Variants in ZBTB7C observed in about 807,000 individuals in gnomAD.
The protein encoded by ZBTB7C is zinc finger and BTB domain-containing protein 7C.
Under a neutral mutation model 25.7 loss-of-function variants are expected in ZBTB7C, and 8 were observed. The ratio of observed to expected loss-of-function variants is 0.31; its 90% confidence interval spans 0.18 to 0.56. The LOEUF (loss-of-function observed/expected upper bound fraction) is 0.56, where lower values mean the gene tolerates loss of function less well. ZBTB7C is among the 20% of genes least tolerant of loss of function. The pLI is 0.91. For missense variants in ZBTB7C, 824 were observed against 855.2 expected (o/e 0.96, Z 0.46); for synonymous variants, 394 against 369.0 (o/e 1.07, Z -0.78).
At chr18:48,162,388 G>C (rs1357760544) in intron 3 of ZBTB7C, 1 of 456,686 alleles carries the variant, frequency 2.2e-6, no homozygotes, top group East Asian at 6.9e-5. Flanking sequence ...CTATGCCTCA[G>C]TTGTTGCATC....
rs2045151757 is a variant in ZBTB7C, at chr18:48,289,331, A to G, written c.-79+48843T>C. On this transcript the variant is annotated intron_variant, in intron 2 of 4. Transcript: ENST00000590800. ...AAGACATTAATCTCAGAGTTGTAAC[A>G]CAAAAGAATCAGACACAATCTAAAT... Among the ~76,000 whole-genome samples, 3 of 152,186 alleles carry G rather than the reference A, an allele frequency of 2.0e-5. 1 individual carries two copies. The South Asian group carries it at 6.2e-4, about 32-fold the overall frequency.
intron 4 of ZBTB7C, among the ~76,000 whole-genome samples, chr18:48,032,057 C>A (rs901794902): frequency 1.3e-5 from 2 of 152,154 alleles, no homozygotes; most frequent in African/African-American, 4.8e-5. Flanking sequence ...CTAAGCAGGG[C>A]TTTAAATGCA....
At chr18:48,357,427 G>A (rs1383802004) in intron 1 of ZBTB7C, among the ~76,000 whole-genome samples, 2 of 152,200 alleles carry the variant, frequency 1.3e-5, no homozygotes, top group Non-Finnish European at 2.9e-5. Context: ...GCCCTTCCCT[G>A]ACACATAGGA....
intron 3 of ZBTB7C, among the ~76,000 whole-genome samples, chr18:48,088,786 C>T (rs896977829): frequency 1.3e-4 from 19 of 151,990 alleles, no homozygotes; most frequent in African/African-American, 3.1e-4. Flanking sequence ...GCAGAGATTG[C>T]GCTACTGCAC....
intron 3 of ZBTB7C, among the ~76,000 whole-genome samples, chr18:48,062,875 A>G (rs1243684200): frequency 6.6e-6 from 1 of 152,218 alleles, no homozygotes; most frequent in African/African-American, 2.4e-5. Flanking sequence ...TTGAGCTCTT[A>G]GGCATGGCCA....
At chr18:48,077,949 G>GC (rs1048946329) in intron 3 of ZBTB7C, among the ~76,000 whole-genome samples, 8 of 135,132 alleles carry the variant, frequency 5.9e-5, no homozygotes, top group Non-Finnish European at 9.3e-5. Flanking sequence ...AATTAGAGGG[G>GC]CCCAGGGCAC....
chr18:48,043,526 G>A (rs1410493454), intron 3 of ZBTB7C, among the ~76,000 whole-genome samples: 2 of 152,310 alleles, frequency 1.3e-5, no homozygotes, highest in East Asian at 3.9e-4. Context: ...TAACATTCTT[G>A]AGATGATAAA....
intron 4 of ZBTB7C, among the ~76,000 whole-genome samples, chr18:48,038,523 G>C (rs1015996362): frequency 6.6e-6 from 1 of 151,250 alleles, no homozygotes; most frequent in African/African-American, 2.4e-5. Flanking sequence ...AGAAGAACAG[G>C]TCTCATGACT....
At chr18:48,058,956 A>G (rs1003074307) in intron 3 of ZBTB7C, among the ~76,000 whole-genome samples, 2 of 152,100 alleles carry the variant, frequency 1.3e-5, no homozygotes, top group Non-Finnish European at 2.9e-5. Context: ...TCCTGTCCCC[A>G]CCTCCAGTCC....
intron 2 of ZBTB7C, among the ~76,000 whole-genome samples, chr18:48,260,422 G>A (rs2044138764): frequency 6.6e-6 from 1 of 152,218 alleles, no homozygotes; most frequent in Admixed American, 6.5e-5. Context: ...TTATTTTGAT[G>A]TGGTGATGAT....
chr18:48,260,956 G>A (rs924865469), intron 2 of ZBTB7C, among the ~76,000 whole-genome samples: 2 of 152,156 alleles, frequency 1.3e-5, no homozygotes, highest in East Asian at 1.9e-4. Context: ...AGGCTTTAAC[G>A]GGCAAATTTG....
chr18:48,138,577 C>A lies in ZBTB7C; in HGVS notation c.-17+47357G>T, dbSNP rs565049528. 2.0e-5 allele frequency among the ~76,000 whole-genome samples: 3 copies of A among 152,234 alleles called. No individual in the cohort carries two copies. The East Asian group carries it at 5.8e-4, about 30-fold the overall frequency. On this transcript the variant is annotated intron_variant, in intron 3 of 4. Transcript: ENST00000590800. ...ACTGCTGCGTGAGGGGAGAGAGAGG[C>A]TGGGCAGCCAGGATGTGGTGGGGAG...
At chr18:48,136,272 C>A (rs374391993) in intron 3 of ZBTB7C, among the ~76,000 whole-genome samples, 3 of 152,322 alleles carry the variant, frequency 2.0e-5, no homozygotes, top group African/African-American at 7.2e-5. Context: ...GGGCCGTCTC[C>A]GGAGCTGAGA....
chr18:48,221,982 T>C (rs1436664881), intron 2 of ZBTB7C, among the ~76,000 whole-genome samples: 1 of 151,426 alleles, frequency 6.6e-6, no homozygotes, highest in Non-Finnish European at 1.5e-5. Context: ...ACTATCCCAG[T>C]CTCCTCTATA....
chr18:48,368,222 T>A (rs2047296396), intron 1 of ZBTB7C, among the ~76,000 whole-genome samples: 1 of 111,514 alleles, frequency 9.0e-6, no homozygotes, highest in Non-Finnish European at 1.9e-5. Context: ...TTGCAACCAA[T>A]GAAAAGGAAG....
intron 3 of ZBTB7C, among the ~76,000 whole-genome samples, chr18:48,152,453 T>G (rs2040708909): frequency 6.6e-6 from 1 of 152,180 alleles, no homozygotes; most frequent in African/African-American, 2.4e-5. Flanking sequence ...ATTTCTCAGA[T>G]AGATGATTGA....
intron 2 of ZBTB7C, among the ~76,000 whole-genome samples, chr18:48,262,104 A>C (rs1381774474): frequency 6.6e-6 from 1 of 152,194 alleles, no homozygotes; most frequent in Non-Finnish European, 1.5e-5. Context: ...GAACATGGAA[A>C]AGAATCTGAA....
At chr18:48,134,136 ATTC>A (rs1167284680) in intron 3 of ZBTB7C, among the ~76,000 whole-genome samples, 2 of 143,506 alleles carry the variant, frequency 1.4e-5, no homozygotes, top group Non-Finnish European at 3.0e-5. Context: ...GAAAAAAACT[ATTC>A]TTCTAGCAGA....
chr18:48,075,624 A>G (rs2037733308), intron 3 of ZBTB7C, among the ~76,000 whole-genome samples: 1 of 152,196 alleles, frequency 6.6e-6, no homozygotes, highest in Non-Finnish European at 1.5e-5. Context: ...CTTCCCCTGC[A>G]GCTGCAGGGA....
Sources: gnomAD v4.1 joint callset for allele counts (sites outside exome capture counted in the v4.1 genomes callset) on GRCh38, gnomAD v4.1.1 for gene constraint, MANE v1.5 for transcripts, NCBI Gene and HGNC (gene_info 2026-07-23, HGNC 2026-07-21) for gene names.